PARD3B: variants seen among roughly 807,000 people sequenced by gnomAD.
PARD3B encodes the protein par-3 family cell polarity regulator beta.
In PARD3B, 103 loss-of-function variants were observed where a neutral mutation model predicts 130.2. The observed-to-expected ratio is 0.79, with a 90% CI of 0.67 to 0.93. The LOEUF (loss-of-function observed/expected upper bound fraction) is 0.93, where lower values mean the gene tolerates loss of function less well. Ranked by LOEUF, PARD3B falls within the 40% of genes least tolerant of loss-of-function variation. The probability of loss-of-function intolerance (pLI) is 0.00; values close to 1 mark genes in which losing one functional copy is unlikely to be tolerated. For synonymous variants in PARD3B, 583 were observed against 553.2 expected (o/e 1.05, Z -0.76); for missense variants, 1,609 against 1,499.2 (o/e 1.07, Z -1.21).
intron 22 of PARD3B, among the ~76,000 whole-genome samples, chr2:205,577,321 T>TAC (rs2053797926): frequency 6.6e-6 from 1 of 152,298 alleles, no homozygotes; most frequent in African/African-American, 2.4e-5. Flanking sequence ...AACTAGGACT[T>TAC]GAGTATATTT....
chr2:205,466,188 G>A (rs1680768429), intron 20 of PARD3B, among the ~76,000 whole-genome samples: 1 of 152,176 alleles, frequency 6.6e-6, no homozygotes, highest in Non-Finnish European at 1.5e-5. Flanking sequence ...GTTTAGACTA[G>A]AGGAAGGCAG....
At chr2:204,902,438 A>G (rs376438119) in intron 2 of PARD3B, among the ~76,000 whole-genome samples, 1 of 151,964 alleles carries the variant, frequency 6.6e-6, no homozygotes, top group African/African-American at 2.4e-5. Flanking sequence ...GGGAGGCCGA[A>G]GCGGGCGGAT....
intron 14 of PARD3B, among the ~76,000 whole-genome samples, chr2:205,190,020 G>T (rs961543730): frequency 1.3e-5 from 2 of 152,158 alleles, no homozygotes; most frequent in Non-Finnish European, 2.9e-5. Context: ...AAGAGCATTT[G>T]TTACATTCAT....
intron 19 of PARD3B, among the ~76,000 whole-genome samples, chr2:205,426,127 C>T (rs2047137275): frequency 6.6e-6 from 1 of 151,962 alleles, no homozygotes; most frequent in African/African-American, 2.4e-5. Flanking sequence ...ATATTATAGA[C>T]ACCCAGAGAG....
chr2:205,027,690 T>C (rs1028931554), intron 3 of PARD3B, among the ~76,000 whole-genome samples: 1 of 152,200 alleles, frequency 6.6e-6, no homozygotes, highest in African/African-American at 2.4e-5. Flanking sequence ...GAATTTTACA[T>C]TTTCAGATGT....
At chr2:205,211,173 T>C (rs898857894) in intron 15 of PARD3B, among the ~76,000 whole-genome samples, 5 of 152,094 alleles carry the variant, frequency 3.3e-5, no homozygotes, top group Non-Finnish European at 7.4e-5. Flanking sequence ...CAGAAGCCAA[T>C]ATACTTGACA....
At chr2:204,973,877 A>C (rs1575454578) in intron 3 of PARD3B, among the ~76,000 whole-genome samples, 1 of 152,258 alleles carries the variant, frequency 6.6e-6, no homozygotes, top group Non-Finnish European at 1.5e-5. Flanking sequence ...TTTGCTTAGC[A>C]GTGACCATAA....
At chr2:205,376,056 A>G (rs2045034926) in intron 18 of PARD3B, among the ~76,000 whole-genome samples, 1 of 152,204 alleles carries the variant, frequency 6.6e-6, no homozygotes, top group South Asian at 2.1e-4. Flanking sequence ...CCAGACATTA[A>G]TAACAAGTGT....
intron 1 of PARD3B, among the ~76,000 whole-genome samples, chr2:204,563,957 G>A (rs930856811): frequency 2.0e-5 from 3 of 152,048 alleles, no homozygotes; most frequent in African/African-American, 7.2e-5. Flanking sequence ...TGTATTTTTA[G>A]TGGAGACGGG....
chr2:204,920,281 T>G (rs2047620556), intron 2 of PARD3B, among the ~76,000 whole-genome samples: 1 of 152,196 alleles, frequency 6.6e-6, no homozygotes, highest in South Asian at 2.1e-4. Flanking sequence ...GCAGTCACTT[T>G]TTGTAGAGAG....
rs369839640 is a variant in PARD3B, at chr2:205,301,434, A to G, written c.2393-30A>G. 1.4e-4 allele frequency: 215 copies of G among 1,583,966 alleles called. No individual in the cohort carries two copies. The Middle Eastern group carries it at 1.7e-3, about 13-fold the overall frequency. On this transcript the variant is annotated intron_variant, in intron 17 of 22. Coordinates refer to ENST00000406610, the MANE Select transcript of PARD3B (RefSeq NM_001302769.2). This position sits in a 1 kb window ranked among gnomAD's most constrained non-coding sequence, Gnocchi z 5.2. ...ATACTAACTGAGTGTGCCCCTGACC[A>G]TGGGTATTGATTATTTTTTCTCTGT...
chr2:205,552,525 C>T (rs1329248942), intron 21 of PARD3B, among the ~76,000 whole-genome samples: 1 of 152,166 alleles, frequency 6.6e-6, no homozygotes, highest in Non-Finnish European at 1.5e-5. Flanking sequence ...TCTCCTGCCT[C>T]AGCCTCCTGA....
At chr2:204,868,956 G>A (rs74966815) in intron 2 of PARD3B, among the ~76,000 whole-genome samples, 11,852 of 152,132 alleles carry the variant, frequency 0.078, 551 homozygotes, top group Middle Eastern at 0.13. Flanking sequence ...ATACTTATCC[G>A]TCCAACTACC....
chr2:205,309,658 C>T lies in PARD3B; in HGVS notation c.2630+7957C>T, dbSNP rs1454368015. Among the ~76,000 whole-genome samples, 1 of 152,032 alleles carries T rather than the reference C, an allele frequency of 6.6e-6. No homozygotes were observed. Among genetic ancestry groups the T allele is most frequent in the East Asian group, 1.9e-4 (1 of 5,182 alleles). On this transcript the variant is annotated intron_variant, in intron 18 of 22. Coordinates refer to ENST00000406610, the MANE Select transcript of PARD3B (RefSeq NM_001302769.2). The surrounding 1 kb of genome is among the most constrained non-coding windows in gnomAD (Gnocchi z 4.7). ...CACTGAACCTAGTTAAAAATCTGTC[C>T]CTTAGAAGCTCTGTGGCCTTCACTA...
In PARD3B at chr2:204,740,302, G is replaced by A. The variant is rs145238944; in HGVS notation, c.222+54020G>A. On this transcript the variant is annotated intron_variant, in intron 2 of 22. Transcript: ENST00000406610. ...CTCCCAAAGGGCTGGAATTACAAGT[G>A]TGAGCCACTATGCCCGGCCAACTTT... Among the ~76,000 whole-genome samples, 937 of 152,176 alleles carry A rather than the reference G, an allele frequency of 6.2e-3. 7 individuals are homozygous for A. The highest frequency in any genetic ancestry group is 0.022 in the African/African-American group (901 of 41,534).
chr2:205,093,857 T>G (rs1437134603), intron 4 of PARD3B, among the ~76,000 whole-genome samples: 2 of 152,198 alleles, frequency 1.3e-5, no homozygotes, highest in Non-Finnish European at 2.9e-5. Flanking sequence ...TAGCTACTTT[T>G]GCAGAGTCTC....
intron 18 of PARD3B, among the ~76,000 whole-genome samples, chr2:205,375,862 A>C (rs1472767006): frequency 6.6e-6 from 1 of 152,164 alleles, no homozygotes; most frequent in East Asian, 1.9e-4. Flanking sequence ...GCCCTTTTAA[A>C]TGTTAAGAAG....
chr2:205,110,537 G>T (rs1308824360), intron 5 of PARD3B, among the ~76,000 whole-genome samples: 3 of 151,830 alleles, frequency 2.0e-5, no homozygotes, highest in East Asian at 1.9e-4. Flanking sequence ...GTTGTATAAA[G>T]ATAGCTATTT....
At chr2:205,555,387 A>AAATC (rs1490897816) in intron 22 of PARD3B, among the ~76,000 whole-genome samples, 1 of 152,230 alleles carries the variant, frequency 6.6e-6, no homozygotes, top group African/African-American at 2.4e-5. Flanking sequence ...GGAGTCAAGC[A>AAATC]AATCAGCCTT....
Sources: gnomAD v4.1 joint callset for allele counts (sites outside exome capture counted in the v4.1 genomes callset) on GRCh38, gnomAD v4.1.1 for gene constraint, Gnocchi (gnomAD v3.1) non-coding constraint, MANE v1.5 for transcripts, NCBI Gene and HGNC (gene_info 2026-07-23, HGNC 2026-07-21) for gene names.